Variants in AGBL3 observed in about 807,000 individuals in gnomAD.
AGBL3 encodes the protein cytosolic carboxypeptidase 3.
A neutral mutation model predicts 94.5 loss-of-function variants in AGBL3; 68 were observed. That is an observed-to-expected ratio of 0.72 (90% confidence interval 0.59 to 0.88). The LOEUF (loss-of-function observed/expected upper bound fraction) is 0.88. Ranked by LOEUF, AGBL3 falls within the 40% of genes least tolerant of loss-of-function variation. AGBL3 has a pLI of 0.00. For synonymous variants in AGBL3, 354 were observed against 370.7 expected (o/e 0.95, Z 0.52); for missense variants, 934 against 1,103.8 (o/e 0.85, Z 2.18).
intron 16 of AGBL3, among the ~76,000 whole-genome samples, chr7:135,123,748 T>C (rs1827469576): frequency 6.6e-6 from 1 of 152,068 alleles, no homozygotes; most frequent in African/African-American, 2.4e-5. Flanking sequence ...TCAACATTCT[T>C]AGAGAAAAAA....
chr7:135,027,643 T>C (rs1164200328), intron 5 of AGBL3, among the ~76,000 whole-genome samples: 1 of 151,658 alleles, frequency 6.6e-6, no homozygotes, highest in African/African-American at 2.4e-5. Flanking sequence ...GCATTCTCAA[T>C]GAATATAGAA....
At chr7:135,077,018 T>C (rs1820515420) in intron 13 of AGBL3, among the ~76,000 whole-genome samples, 1 of 152,220 alleles carries the variant, frequency 6.6e-6, no homozygotes, top group Admixed American at 6.5e-5. Context: ...CTGTGGTATT[T>C]CAATCAAGAC....
chr7:135,104,122 A>G (rs566844170), intron 15 of AGBL3, among the ~76,000 whole-genome samples: 5 of 151,740 alleles, frequency 3.3e-5, no homozygotes, highest in Admixed American at 6.6e-5. Flanking sequence ...TTGTGTCCCT[A>G]TGTTCTCATA....
chr7:135,073,262 T>A (rs1260994222), intron 12 of AGBL3, among the ~76,000 whole-genome samples: 2 of 151,708 alleles, frequency 1.3e-5, no homozygotes, highest in East Asian at 3.9e-4. Context: ...GGTCAGAAGT[T>A]CAAGACCAGC....
At chr7:135,041,462 A>C (rs1436989082) in intron 8 of AGBL3, among the ~76,000 whole-genome samples, 4 of 152,228 alleles carry the variant, frequency 2.6e-5, no homozygotes, top group Non-Finnish European at 5.9e-5. Flanking sequence ...ACCCATATAC[A>C]TATGGCCTTT....
Position 135,061,061 on chromosome 7 carries a change from C to CTTT in AGBL3, c.1908+1836_1908+1838dup, listed in dbSNP as rs138992892. Among the ~76,000 whole-genome samples the CTTT allele has an allele frequency of 5.8e-4, 86 of 148,220 alleles. No individual in the cohort carries two copies. In the Middle Eastern group the frequency reaches 0.014, roughly 24 times the overall value. ...TCTCCACATCTCCAACACTAATTAT[C>CTTT]TTTTTTTTTTTTATAACAGCCACTC... On this transcript the variant is annotated intron_variant, in intron 12 of 16. Transcript: ENST00000436302.
At chr7:135,058,942 A>G (rs1248274905) in intron 11 of AGBL3, among the ~76,000 whole-genome samples, 2 of 152,154 alleles carry the variant, frequency 1.3e-5, no homozygotes, top group African/African-American at 2.4e-5. Context: ...TTTTTAGCAG[A>G]GACAGGGTTT....
chr7:135,038,226 C>G (rs1028248816), intron 8 of AGBL3, among the ~76,000 whole-genome samples: 3 of 151,272 alleles, frequency 2.0e-5, no homozygotes, highest in Admixed American at 6.6e-5. Flanking sequence ...AAAGGACTTA[C>G]TGGAGAAGAA....
chr7:135,074,477 A>C (rs1820265343), intron 12 of AGBL3, among the ~76,000 whole-genome samples: 1 of 152,210 alleles, frequency 6.6e-6, no homozygotes, highest in African/African-American at 2.4e-5. Flanking sequence ...AAATTTGGAC[A>C]AAGTCCAAAT....
intron 12 of AGBL3, among the ~76,000 whole-genome samples, chr7:135,061,448 C>CA (rs1270907002): frequency 6.6e-6 from 1 of 152,004 alleles, no homozygotes; most frequent in Non-Finnish European, 1.5e-5. Flanking sequence ...AGTTCATATC[C>CA]AAAAAAATGA....
intron 4 of AGBL3, among the ~76,000 whole-genome samples, chr7:134,996,798 G>C (rs1343568355): frequency 6.6e-6 from 1 of 152,226 alleles, no homozygotes; most frequent in South Asian, 2.1e-4. Context: ...TCTGGTATAA[G>C]GATACTGTCA....
chr7:135,131,551 G>T (rs1227807616), intron 16 of AGBL3, among the ~76,000 whole-genome samples: 2 of 151,770 alleles, frequency 1.3e-5, no homozygotes, highest in Non-Finnish European at 2.9e-5. Context: ...TATAGCTAAA[G>T]CAGTACTGAT....
intron 3 of AGBL3, among the ~76,000 whole-genome samples, 160 bp downstream of exon 3, chr7:134,989,470 G>A (rs902866783): frequency 8.5e-5 from 13 of 152,138 alleles, no homozygotes; most frequent in African/African-American, 3.1e-4. Context: ...AAACTTTTCA[G>A]GTTTGTTTTA....
rs1358192543 is a variant in AGBL3 at position 135,031,087 on chromosome 7, T to C, written c.419-1757T>C. Among the ~76,000 whole-genome samples, 7 of 152,226 alleles carry C rather than the reference T, an allele frequency of 4.6e-5. No homozygotes were observed. In the East Asian group the frequency reaches 1.3e-3, roughly 29 times the overall value. On this transcript the variant is annotated intron_variant, in intron 5 of 16. Transcript: ENST00000436302. ...TTTTCATTTTTTGTCTTTGAATATA[T>C]ATTCAAAGTCCTTCTCTGTTAATTC...
intron 5 of AGBL3, among the ~76,000 whole-genome samples, chr7:135,019,547 C>G (rs1814190667): frequency 6.6e-6 from 1 of 151,662 alleles, no homozygotes; most frequent in Non-Finnish European, 1.5e-5. Context: ...TCATTTTTTC[C>G]CACCTTTTAA....
chr7:135,068,579 T>C (rs569024465), intron 12 of AGBL3, among the ~76,000 whole-genome samples: 16 of 152,260 alleles, frequency 1.1e-4, no homozygotes, highest in Non-Finnish European at 1.8e-4. Context: ...GGGGCCAATA[T>C]TCAACATCCT....
intron 5 of AGBL3, among the ~76,000 whole-genome samples, chr7:135,032,142 T>C (rs1224709073): frequency 6.6e-6 from 1 of 152,184 alleles, no homozygotes; most frequent in Non-Finnish European, 1.5e-5. Context: ...CATGTATTGA[T>C]CTTCTTTCAA....
intron 11 of AGBL3, among the ~76,000 whole-genome samples, chr7:135,057,652 T>C (rs552014689): frequency 1.3e-5 from 2 of 152,302 alleles, no homozygotes; most frequent in East Asian, 3.9e-4. Flanking sequence ...AAGCATAGTC[T>C]CAACACTTGA....
chr7:135,076,931 G>T (rs1820507726), intron 13 of AGBL3, among the ~76,000 whole-genome samples: 1 of 152,056 alleles, frequency 6.6e-6, no homozygotes, highest in South Asian at 2.1e-4. Context: ...CTCTGAAATG[G>T]TCTTAAGGTT....
Sources: gnomAD v4.1 joint callset for allele counts (sites outside exome capture counted in the v4.1 genomes callset) on GRCh38, gnomAD v4.1.1 for gene constraint, MANE v1.5 for transcripts, NCBI Gene and HGNC (gene_info 2026-07-23, HGNC 2026-07-21) for gene names.